TCF4: variants seen among roughly 807,000 people sequenced by gnomAD.
The protein encoded by TCF4 is transcription factor 4.
A neutral mutation model predicts 82.1 loss-of-function variants in TCF4; 3 were observed. That is an observed-to-expected ratio of 0.04 (90% CI 0.02 to 0.09). TCF4 has a LOEUF of 0.09. Ranked by LOEUF, TCF4 falls within the 10% of genes least tolerant of loss-of-function variation. TCF4 has a pLI of 1.00. For missense variants in TCF4, 518 were observed against 852.7 expected (o/e 0.61, Z 4.89); for synonymous variants, 276 against 309.6 (o/e 0.89, Z 1.14).
intron 6 of TCF4, among the ~76,000 whole-genome samples, chr18:55,365,215 ATATG>A (rs1458251644): frequency 1.5e-5 from 2 of 133,014 alleles, no homozygotes; most frequent in East Asian, 2.1e-4. Context: ...GTGTGTATAT[ATATG>A]TGTGTGTGTG....
chr18:55,306,596 G>T (rs1356813837), intron 8 of TCF4, among the ~76,000 whole-genome samples: 1 of 152,204 alleles, frequency 6.6e-6, no homozygotes, highest in African/African-American at 2.4e-5. Context: ...CTTCTCAAAC[G>T]ACAGGCATGA....
chr18:55,600,021 T>C (rs752689096), intron 2 of TCF4, among the ~76,000 whole-genome samples: 18 of 152,200 alleles, frequency 1.2e-4, no homozygotes, highest in Non-Finnish European at 2.2e-4. Context: ...CTGTGAGATT[T>C]GTCCATGTGG....
intron 6 of TCF4, chr18:55,351,238 T>G: frequency 2.0e-6 from 1 of 489,100 alleles, no homozygotes; most frequent in Non-Finnish European, 3.7e-6. Context: ...CTTTAAACAA[T>G]ATTTTTTTAA....
At chr18:55,523,349 A>G (rs2096949123) in intron 3 of TCF4, among the ~76,000 whole-genome samples, 1 of 152,052 alleles carries the variant, frequency 6.6e-6, no homozygotes, top group Non-Finnish European at 1.5e-5. Flanking sequence ...TAAATTAGAA[A>G]ACAGAAAAAC....
intron 6 of TCF4, among the ~76,000 whole-genome samples, chr18:55,387,650 T>C (rs899952574): frequency 1.1e-4 from 16 of 152,354 alleles, no homozygotes; most frequent in South Asian, 2.1e-4. Context: ...GTCGGGATTC[T>C]GTCACTTTGG....
At chr18:55,455,318 A>C (rs1034731018) in intron 5 of TCF4, among the ~76,000 whole-genome samples, 1 of 152,046 alleles carries the variant, frequency 6.6e-6, no homozygotes, top group Non-Finnish European at 1.5e-5. Flanking sequence ...AGATTGCTAA[A>C]AACACCAGCG....
upstream of TCF4, chr18:55,589,782 C>T (rs768576233): frequency 2.6e-5 from 26 of 1,011,712 alleles, no homozygotes; most frequent in Non-Finnish European, 2.8e-5. Flanking sequence ...GTAATCCATT[C>T]ACATCCGGGA....
intron 17 of TCF4, chr18:55,229,692 G>T (rs970963424): frequency 1.9e-5 from 3 of 154,080 alleles, no homozygotes; most frequent in African/African-American, 7.2e-5. Context: ...TTGCTTTGAA[G>T]GCCTGGTCAA....
At chr18:55,361,004 C>T (rs1216558172) in intron 6 of TCF4, among the ~76,000 whole-genome samples, 5 of 152,112 alleles carry the variant, frequency 3.3e-5, no homozygotes, top group African/African-American at 1.2e-4. Flanking sequence ...GGATTACAGG[C>T]CTGAGCCACC....
chr18:55,378,121 T>C (rs191979101), intron 6 of TCF4, among the ~76,000 whole-genome samples: 4 of 152,244 alleles, frequency 2.6e-5, no homozygotes, highest in African/African-American at 9.6e-5. Context: ...CAGCAGGAAA[T>C]TGCAAAGACT....
Position 55,586,094 on chromosome 18 carries a change from T to G in TCF4, c.73-742A>C. ...TTCCTGGCAAAACTTCCGAAAGCCA[T>G]TTCTCCAAAAGAAGGTCTAGAAGAG... On this transcript the variant is annotated intron_variant, in intron 2 of 19. Transcript: ENST00000354452. 3 of 1,421,242 alleles carry G rather than the reference T, an allele frequency of 2.1e-6. 1 individual carries two copies. The highest frequency in any genetic ancestry group is 2.8e-6 in the Non-Finnish European group (3 of 1,071,196). The allele number at this position is 1,421,242 out of a possible 1,614,324, so 88.0% of individuals were successfully genotyped here. A position where few individuals can be genotyped will look rare whatever the true frequency, so the allele number is the denominator to read the frequency against.
At chr18:55,541,025 T>C (rs17089887) in intron 3 of TCF4, among the ~76,000 whole-genome samples, 11,608 of 152,028 alleles carry the variant, frequency 0.076, 937 homozygotes, top group East Asian at 0.43. Flanking sequence ...CTCTTTCATA[T>C]AGTGAGTTCC....
intron 8 of TCF4, among the ~76,000 whole-genome samples, chr18:55,297,490 G>T (rs1387552372): frequency 6.6e-6 from 1 of 152,112 alleles, no homozygotes; most frequent in Non-Finnish European, 1.5e-5. Context: ...CACACTAAGT[G>T]AATGCATTCT....
At chr18:55,460,347 G>A (rs2095848891) in intron 5 of TCF4, among the ~76,000 whole-genome samples, 1 of 151,658 alleles carries the variant, frequency 6.6e-6, no homozygotes, top group Non-Finnish European at 1.5e-5. Flanking sequence ...AGTTACTGCT[G>A]TTAAACAAAC....
chr18:55,617,604 C>T (rs2097713347), intron 2 of TCF4, among the ~76,000 whole-genome samples: 1 of 152,070 alleles, frequency 6.6e-6, no homozygotes, highest in Non-Finnish European at 1.5e-5. Flanking sequence ...TCTTCAATTT[C>T]TCTCATCAAC....
chr18:55,269,906 A>G lies in TCF4; in HGVS notation c.847T>C (p.Phe283Leu). ...INSSLPPMST[F>L]HRSGTNHYST... The stretch of plus-strand genomic sequence containing the variant: ...TAATGGTTTGTACCACTACGATGGA[A>G]AGTGGACATCGGAGGAAGACTGGAA... The change falls in exon 11 of 20, where the codon TTC becomes CTC. Residue 283 changes from phenylalanine to leucine, a missense_variant. This residue lies in a region of TCF4 where 211 missense variants were observed against 327.4 expected (regional missense o/e 0.64). Transcript: ENST00000354452. 6.2e-7 allele frequency: 1 copy of G among 1,613,382 alleles called. No homozygotes were observed. The highest frequency in any genetic ancestry group is 8.5e-7 in the Non-Finnish European group (1 of 1,179,508).
chr18:55,319,388 T>C (rs971224887), intron 8 of TCF4, among the ~76,000 whole-genome samples: 1 of 152,156 alleles, frequency 6.6e-6, no homozygotes, highest in East Asian at 1.9e-4. Flanking sequence ...TTTTAAAAAA[T>C]GGTATAGAAT....
upstream of TCF4, chr18:55,589,846 T>C: frequency 3.0e-6 from 3 of 1,000,346 alleles, no homozygotes; most frequent in Non-Finnish European, 3.6e-6. Context: ...CTCCAGACAA[T>C]GACTGGGAAG....
chr18:55,374,314 T>C (rs772954748), intron 6 of TCF4, among the ~76,000 whole-genome samples: 1 of 145,694 alleles, frequency 6.9e-6, no homozygotes, highest in Non-Finnish European at 1.5e-5. Context: ...TAAAACAAAA[T>C]GTAGATTATC....
Sources: allele counts gnomAD v4.1 joint callset (sites outside exome capture counted in the v4.1 genomes callset), GRCh38; gene constraint gnomAD v4.1.1; regional missense constraint gnomAD v4.1.1; transcripts MANE v1.5; gene names NCBI Gene and HGNC (gene_info 2026-07-23, HGNC 2026-07-21).